Variants in ZCCHC2 observed in about 807,000 individuals in gnomAD.
The protein encoded by ZCCHC2 is zinc finger CCHC-type containing 2, also known as zinc finger CCHC domain-containing protein 2.
A neutral mutation model predicts 103.6 loss-of-function variants in ZCCHC2; 39 were observed. That is an observed-to-expected ratio of 0.38 (90% CI 0.29 to 0.49). ZCCHC2 has a LOEUF of 0.49. Ranked by LOEUF, ZCCHC2 falls within the 20% of genes least tolerant of loss-of-function variation. ZCCHC2 has a pLI of 0.96. For missense variants in ZCCHC2, 1,483 were observed against 1,491.0 expected, an observed-to-expected ratio of 0.99 and a Z score of 0.09; for synonymous variants, 687 against 608.9, an observed-to-expected ratio of 1.13 and a Z score of -1.89.
In ZCCHC2 at chr18:62,574,507, A is replaced by G. The variant is rs756143459; in HGVS notation, c.2426A>G (p.His809Arg). The G allele has an allele frequency of 3.1e-6, 5 of 1,613,992 alleles. No homozygotes were observed. In the Admixed American group the frequency reaches 5.0e-5, roughly 16 times the overall value. Residue 809 changes from histidine to arginine, a missense_variant, in exon 13 of 14, where the codon CAT becomes CGT. This residue lies in a region of ZCCHC2 where 884 missense variants were observed against 907.5 expected (regional missense o/e 0.97). Transcript: ENST00000269499. ...FLPHSSTPAL[H>R]LTVQRLKLPP... ...CCACACAGTAGTACTCCCGCTTTGCATCTTACAGTTCAGAGGCTAAAGTTG... is the reference window on the plus strand; with the variant it reads ...CCACACAGTAGTACTCCCGCTTTGCGTCTTACAGTTCAGAGGCTAAAGTTG...
intron 7 of ZCCHC2, among the ~76,000 whole-genome samples, chr18:62,560,024 C>G (rs1361752273): frequency 1.3e-5 from 2 of 152,228 alleles, no homozygotes; most frequent in East Asian, 3.9e-4. Flanking sequence ...TATATTGAAA[C>G]ATGTAACAGC....
intron 11 of ZCCHC2, among the ~76,000 whole-genome samples, chr18:62,567,676 G>A (rs190681467): frequency 6.6e-5 from 10 of 152,182 alleles, no homozygotes; most frequent in Non-Finnish European, 1.3e-4. Context: ...AGGCGCGGTG[G>A]CTCACGCCTG....
At position 62,574,386 on chromosome 18, in the gene ZCCHC2, C is replaced by G. The variant is rs754663445; in HGVS notation, c.2305C>G (p.Pro769Ala). 4 of 1,613,974 alleles carry G rather than the reference C, an allele frequency of 2.5e-6. No individual in the cohort carries two copies. Among genetic ancestry groups the G allele is most frequent in the African/African-American group, 1.3e-5 (1 of 75,036 alleles). ...AATAAGGGAGTCTGCAAATTCAACC[C>G]CTGTTGGAATACTAGGGCCAACAGC... ...SAIRESANSTPVGILGPTACT... is the reference protein window; with the variant it reads ...SAIRESANSTAVGILGPTACT... Residue 769 changes from proline (P) to alanine (A), a missense_variant, in exon 13 of 14, where the codon CCT (proline) becomes GCT (alanine). Physicochemically the swap from Pro to Ala is conservative, Grantham distance 27. Transcript: ENST00000269499.
chr18:62,563,984 A>G (rs1483885641), intron 9 of ZCCHC2, among the ~76,000 whole-genome samples: 1 of 152,198 alleles, frequency 6.6e-6, no homozygotes, highest in Non-Finnish European at 1.5e-5. Context: ...TGTATATGTT[A>G]CAAGTATGGA....
chr18:62,529,191 T>TAAAAAAAAAAAAAAAAAAAAAAAAA (rs1914577692), intron 1 of ZCCHC2, among the ~76,000 whole-genome samples: 1 of 151,742 alleles, frequency 6.6e-6, no homozygotes, highest in Non-Finnish European at 1.5e-5. Flanking sequence ...AGATGCTTTT[T>TAAAAAAAAAAAAAAAAAAAAAAAAA]AAAAATGACC....
rs796214538 is a variant in ZCCHC2, at chr18:62,571,210, G to T, written c.1975+979G>T. The stretch of plus-strand genomic sequence containing the variant: ...AACACAGAGTGAGTGCTAGCTGCCA[G>T]ACAGTCAAATGGTGACAGTTTGGTG... On this transcript the variant is annotated intron_variant, in intron 12 of 13. Coordinates refer to ENST00000269499, the MANE Select transcript of ZCCHC2 (RefSeq NM_017742.6). Among the ~76,000 whole-genome samples the T allele has an allele frequency of 8.9e-4, 82 of 92,574 alleles. 1 individual carries two copies. The highest frequency in any genetic ancestry group is 2.6e-3 in the African/African-American group (77 of 29,646). The allele number at this position is 92,574 out of a possible 152,430, so 60.7% of individuals were successfully genotyped here. A position where few individuals can be genotyped will look rare whatever the true frequency, so the allele number is the denominator to read the frequency against.
At chr18:62,570,058 A>G in intron 11 of ZCCHC2, 45 bp from the exon 12 acceptor site, 1 of 1,498,920 alleles carries the variant, frequency 6.7e-7, no homozygotes, top group South Asian at 1.3e-5. Context: ...AAATTAATTT[A>G]AAATGACTTA....
rs113331126 is a variant in ZCCHC2, at chr18:62,557,442, A to G, written c.1408+1145A>G. Among the ~76,000 whole-genome samples the G allele has an allele frequency of 7.3e-3, 1,118 of 152,324 alleles. 16 individuals are homozygous for G. The highest frequency in any genetic ancestry group is 0.025 in the African/African-American group (1,057 of 41,566). On this transcript the variant is annotated intron_variant, in intron 6 of 13. Transcript: ENST00000269499. ...GGTGCAAGAATAGTATGATTGTTAC[A>G]CGGGCTAACCTTTAAAGTTTCTCTA...
intron 8 of ZCCHC2, among the ~76,000 whole-genome samples, chr18:62,561,987 G>T (rs1359596218): frequency 6.6e-6 from 1 of 151,640 alleles, no homozygotes; most frequent in Admixed American, 6.6e-5. Flanking sequence ...ATGTCCCGTG[G>T]TTTTTTTTGT....
In ZCCHC2 at chr18:62,543,702, G is replaced by T. The variant is rs147186192; in HGVS notation, c.1129-1100G>T. On this transcript the variant is annotated intron_variant, in intron 3 of 13. Coordinates refer to ENST00000269499, the MANE Select transcript of ZCCHC2 (RefSeq NM_017742.6). ...GATCCTTCTTGACACCCCAGTTCATGTGCATCTCTCCGTTCTTGTACCATG... is the reference window on the plus strand; with the variant it reads ...GATCCTTCTTGACACCCCAGTTCATTTGCATCTCTCCGTTCTTGTACCATG... Among the ~76,000 whole-genome samples, 13 of 152,134 alleles carry T rather than the reference G, an allele frequency of 8.5e-5. No individual in the cohort carries two copies. The East Asian group carries it at 2.5e-3, about 29-fold the overall frequency.
downstream of ZCCHC2, chr18:62,578,726 A>ACTGG (rs1259889722): frequency 6.6e-6 from 1 of 152,170 alleles, no homozygotes; most frequent in Non-Finnish European, 1.5e-5. Context: ...AGTGAATCCC[A>ACTGG]AAGTTATTTA....
intron 1 of ZCCHC2, among the ~76,000 whole-genome samples, chr18:62,529,890 G>A (rs184488026): frequency 1.4e-4 from 21 of 152,298 alleles, no homozygotes; most frequent in Admixed American, 9.8e-4. Context: ...AATATTGCAC[G>A]TGTACTGAAC....
chr18:62,564,535 C>T (rs1916261863), intron 9 of ZCCHC2, 36 bp from the exon 10 acceptor site: 1 of 1,435,560 alleles, frequency 7.0e-7, no homozygotes, highest in Non-Finnish European at 9.4e-7. Context: ...AATGGTTTAG[C>T]TTTTGTCTGA....
downstream of ZCCHC2, among the ~76,000 whole-genome samples, chr18:62,580,261 A>C (rs1256271681): frequency 6.6e-6 from 1 of 152,022 alleles, no homozygotes; most frequent in East Asian, 1.9e-4. Flanking sequence ...CCATTCTGTC[A>C]ATGGACATCT....
intron 1 of ZCCHC2, among the ~76,000 whole-genome samples, chr18:62,534,061 T>C (rs1480471209): frequency 6.6e-6 from 1 of 151,818 alleles, no homozygotes; most frequent in Non-Finnish European, 1.5e-5. Context: ...AATTGAATCT[T>C]CAATGGGTGG....
chr18:62,560,741 T>G (rs1916082625), intron 8 of ZCCHC2, 97 bp downstream of exon 8: 1 of 976,132 alleles, frequency 1.0e-6, no homozygotes, highest in South Asian at 1.9e-5. Flanking sequence ...TATAATTCTG[T>G]CATTTTGCTA....
Position 62,544,869 on chromosome 18 carries a change from TG to T in ZCCHC2, c.1197del (p.Lys400SerfsTer16). On this transcript the variant is annotated frameshift_variant, in exon 4 of 14. Coordinates refer to ENST00000269499, the MANE Select transcript of ZCCHC2 (RefSeq NM_017742.6). LOFTEE classifies it high-confidence loss of function. ...CACCAAGAACTACAGGAATTTCTACTGAAGGTAAAATATAGATTTTGTTGTT... is the reference window on the plus strand; with the variant it reads ...CACCAAGAACTACAGGAATTTCTACTAAGGTAAAATATAGATTTTGTTGTT... ...KTHQELQEFL[L>X]KLPKELSSET... is the part of the protein sequence containing the mutation. 6.5e-7 allele frequency: 1 copy of T among 1,532,996 alleles called. No individual in the cohort carries two copies. Among genetic ancestry groups the T allele is most frequent in the South Asian group, 1.3e-5 (1 of 79,060 alleles). The allele number at this position is 1,532,996 out of a possible 1,614,324, so 95.0% of individuals were successfully genotyped here.
intron 1 of ZCCHC2, among the ~76,000 whole-genome samples, chr18:62,537,111 A>G (rs893094476): frequency 6.6e-6 from 1 of 152,160 alleles, no homozygotes; most frequent in Non-Finnish European, 1.5e-5. Flanking sequence ...ATCATCCCAA[A>G]CAGAAATGCT....
chr18:62,555,638 G>A (rs1041053991), intron 5 of ZCCHC2, among the ~76,000 whole-genome samples: 6 of 152,064 alleles, frequency 3.9e-5, no homozygotes, highest in East Asian at 1.9e-4. Flanking sequence ...GTGAAACCCC[G>A]TCTCTACTAA....
Sources: gnomAD v4.1 joint callset for allele counts (sites outside exome capture counted in the v4.1 genomes callset) on GRCh38, gnomAD v4.1.1 for gene constraint, gnomAD v4.1.1 regional missense constraint, MANE v1.5 for transcripts, NCBI Gene and HGNC (gene_info 2026-07-23, HGNC 2026-07-21) for gene names.